TACC1: variants seen among roughly 807,000 people sequenced by gnomAD.
TACC1 encodes transforming acidic coiled-coil-containing protein 1.
TACC1 carries 48 observed loss-of-function variants against 84.4 expected under a neutral mutation model. That is an observed-to-expected ratio of 0.57 (90% CI 0.45 to 0.72). The LOEUF is 0.72. Ranked by LOEUF, TACC1 falls within the 30% of genes least tolerant of loss-of-function variation. The probability of loss-of-function intolerance (pLI) is 0.00; values close to 1 mark genes in which losing one functional copy is unlikely to be tolerated. For synonymous variants in TACC1, 372 were observed against 376.3 expected, an observed-to-expected ratio of 0.99 and a Z score of 0.13; for missense variants, 920 against 973.0, an observed-to-expected ratio of 0.95 and a Z score of 0.72.
At chr8:38,827,024 C>A in intron 4 of TACC1, 144 bp from the exon 5 acceptor site, 1 of 645,882 alleles carries the variant, frequency 1.5e-6, no homozygotes, top group Non-Finnish European at 2.6e-6. Context: ...ACTCCAACTT[C>A]CTCCTTGCTT....
chr8:38,742,231 G>C lies in TACC1; in HGVS notation c.-674-120G>C, dbSNP rs567275421. 2.1e-4 allele frequency: 96 copies of C among 449,906 alleles called. 1 individual carries two copies. The South Asian group carries it at 3.2e-3, about 15-fold the overall frequency. The allele number at this position is 449,906 out of a possible 1,614,324, so 27.9% of individuals were successfully genotyped here. ...TTAGAAAACGGTGACACACAGAGTGGCTGGTAGAACTGCAGAGGAATTTCT... is the reference window on the plus strand; with the variant it reads ...TTAGAAAACGGTGACACACAGAGTGCCTGGTAGAACTGCAGAGGAATTTCT... On this transcript the variant is annotated intron_variant, in intron 1 of 14. Transcript: ENST00000518415.
At chr8:38,755,931 C>T (rs1243911930) in intron 3 of TACC1, among the ~76,000 whole-genome samples, 1 of 151,884 alleles carries the variant, frequency 6.6e-6, no homozygotes, top group African/African-American at 2.4e-5. Context: ...TCTCCTGCCT[C>T]AGCCTCCTAA....
chr8:38,826,196 A>AG (rs1197692897), intron 4 of TACC1, among the ~76,000 whole-genome samples: 4 of 152,184 alleles, frequency 2.6e-5, no homozygotes, highest in Non-Finnish European at 5.9e-5. Context: ...GATGTAAAAA[A>AG]GGGGTGTGAT....
At chr8:38,764,640 C>A (rs923289848) in intron 3 of TACC1, among the ~76,000 whole-genome samples, 2 of 152,192 alleles carry the variant, frequency 1.3e-5, no homozygotes, top group African/African-American at 4.8e-5. Context: ...GGCCAGCTAG[C>A]ATTTATTGAG....
intron 3 of TACC1, among the ~76,000 whole-genome samples, chr8:38,770,774 G>A (rs1166234254): frequency 6.6e-6 from 1 of 152,184 alleles, no homozygotes; most frequent in Non-Finnish European, 1.5e-5. Context: ...TCCAGCGCCA[G>A]GAGTCTCTTC....
intron 3 of TACC1, among the ~76,000 whole-genome samples, chr8:38,751,885 T>C (rs1018570055): frequency 2.0e-5 from 3 of 152,186 alleles, no homozygotes; most frequent in Non-Finnish European, 2.9e-5. Flanking sequence ...GTAAATGAGT[T>C]AATAAATCTA....
At chr8:38,804,165 A>G (rs189876705) in intron 2 of TACC1, among the ~76,000 whole-genome samples, 9 of 152,222 alleles carry the variant, frequency 5.9e-5, no homozygotes, top group African/African-American at 9.6e-5. Flanking sequence ...TGAAGGCTAT[A>G]TAAGTATGAA....
intron 3 of TACC1, among the ~76,000 whole-genome samples, chr8:38,753,552 C>T (rs1417697659): frequency 2.6e-5 from 4 of 152,260 alleles, no homozygotes; most frequent in Non-Finnish European, 5.9e-5. Flanking sequence ...GGTTCTGCTT[C>T]CATGAGAGGG....
chr8:38,827,724 T>C (rs1389664795), intron 5 of TACC1: 1 of 259,042 alleles, frequency 3.9e-6, no homozygotes, highest in Non-Finnish European at 7.5e-6. Context: ...GGCTAATTTA[T>C]AGGAAAAAGA....
Position 38,819,998 on chromosome 8 carries a change from G to A in TACC1, c.754G>A (p.Ala252Thr), listed in dbSNP as rs759820712. The change falls in exon 3 of 13, where the codon GCT (alanine) becomes ACT (threonine). Residue 252 changes from alanine to threonine, a missense_variant. Physicochemically the swap from Ala to Thr is moderately conservative, Grantham distance 58. Transcript: ENST00000317827. ...AIGGEFSDTN[A>T]AVEGTPLPKA... ...TGGAGGAGAGTTCTCAGACACCAAC[G>A]CTGCTGTGGAGGGCACACCTCTCCC... 12 of 1,613,850 alleles carry A rather than the reference G, an allele frequency of 7.4e-6. No individual in the cohort carries two copies. In the South Asian group the frequency reaches 8.8e-5, roughly 12 times the overall value.
intron 3 of TACC1, among the ~76,000 whole-genome samples, chr8:38,760,127 A>G (rs115118735): frequency 0.03 from 4,636 of 152,304 alleles, 242 homozygotes; most frequent in African/African-American, 0.11. Context: ...AATGTTCACA[A>G]TTTGTATTTC....
intron 2 of TACC1, among the ~76,000 whole-genome samples, chr8:38,791,199 A>G (rs940093108): frequency 1.3e-5 from 2 of 152,182 alleles, no homozygotes; most frequent in Admixed American, 1.3e-4. Context: ...TAGGCCCCCA[A>G]AACCACAGAG....
chr8:38,757,356 C>T (rs917471348), intron 3 of TACC1: 1 of 1,266,678 alleles, frequency 7.9e-7, no homozygotes, highest in Middle Eastern at 2.9e-4. Context: ...ACTCTCAGAC[C>T]CCGAGGGGCC....
At chr8:38,749,128 A>T (rs745500310) in intron 3 of TACC1, among the ~76,000 whole-genome samples, 44 of 152,210 alleles carry the variant, frequency 2.9e-4, no homozygotes, top group Admixed American at 1.3e-4. Context: ...AAGAATAACA[A>T]TTCTCTATTG....
intron 3 of TACC1, among the ~76,000 whole-genome samples, chr8:38,747,609 G>A (rs1323637003): frequency 6.6e-6 from 1 of 152,214 alleles, no homozygotes; most frequent in Non-Finnish European, 1.5e-5. Context: ...AAAGGGCTGT[G>A]TACTGGATGG....
chr8:38,852,499 A>G lies in TACC1; in HGVS notation c.*4476A>G, dbSNP rs1833226969. 6.6e-6 allele frequency: 1 copy of G among 152,652 alleles called. No individual in the cohort carries two copies. The highest frequency in any genetic ancestry group is 2.4e-5 in the African/African-American group (1 of 41,430). 9.5% of individuals were successfully genotyped at this position (152,652 alleles called of 1,614,324 possible). A position where few individuals can be genotyped will look rare whatever the true frequency, so the allele number is the denominator to read the frequency against. ...AAAACAGTAATTTCCTGGTCACATC[A>G]TTAACTGCTAATTCTGTATTTATAA... is the stretch of plus-strand genomic sequence containing the variant. On this transcript the variant is annotated 3_prime_UTR_variant, in exon 13 of 13. Transcript: ENST00000317827.
chr8:38,801,978 A>T (rs550578568), intron 2 of TACC1, among the ~76,000 whole-genome samples: 1 of 152,314 alleles, frequency 6.6e-6, no homozygotes, highest in South Asian at 2.1e-4. Flanking sequence ...CAGTGATGCA[A>T]GCATGGCTCA....
intron 1 of TACC1, among the ~76,000 whole-genome samples, chr8:38,741,393 G>A (rs972308557): frequency 2.0e-5 from 3 of 152,124 alleles, no homozygotes; most frequent in South Asian, 4.2e-4. Flanking sequence ...TCCTGACCTC[G>A]GGTGATATGC....
intron 2 of TACC1, among the ~76,000 whole-genome samples, chr8:38,806,823 T>G (rs1046907911): frequency 3.3e-5 from 5 of 152,130 alleles, no homozygotes; most frequent in Non-Finnish European, 5.9e-5. Context: ...ACTTACTTTC[T>G]CGAGTTAGCC....
Sources: allele counts gnomAD v4.1 joint callset (sites outside exome capture counted in the v4.1 genomes callset), GRCh38; gene constraint gnomAD v4.1.1; transcripts MANE v1.5; gene names NCBI Gene and HGNC (gene_info 2026-07-23, HGNC 2026-07-21).